CD80: variants seen among roughly 807,000 people sequenced by gnomAD.
CD80 encodes CD80 molecule.
A neutral mutation model predicts 27.1 loss-of-function variants in CD80; 13 were observed. That is an observed-to-expected ratio of 0.48 (90% CI 0.31 to 0.76). CD80 has a LOEUF of 0.76. Among genes scored for constraint, CD80 ranks in the 30% least tolerant of loss-of-function variants. The pLI, the probability that CD80 is intolerant of heterozygous loss-of-function variation, is 0.04. For missense variants in CD80, 277 were observed against 347.9 expected (o/e 0.80, Z 1.62); for synonymous variants, 125 against 125.5 (o/e 1.00, Z 0.03).
At chr3:119,553,906 C>T (rs1423888383) in intron 2 of CD80, among the ~76,000 whole-genome samples, 1 of 152,228 alleles carries the variant, frequency 6.6e-6, no homozygotes, top group Non-Finnish European at 1.5e-5. Flanking sequence ...GAGTGACCCC[C>T]CTCTAAATGT....
At position 119,527,740 on chromosome 3, in the gene CD80, T is replaced by A. The variant is rs1183890314; in HGVS notation, c.*31A>T. On this transcript the variant is annotated 3_prime_UTR_variant, in exon 6 of 7. Transcript: ENST00000264246. ...AGAGATGACGGAGGCTACCTTCAGA[T>A]CTTTTCAGCCCCTTGCTTCTGCGGA... 2 of 1,585,284 alleles carry A rather than the reference T, an allele frequency of 1.3e-6. No homozygotes were observed. Among genetic ancestry groups the A allele is most frequent in the African/African-American group, 2.7e-5 (2 of 74,336 alleles).
At chr3:119,558,263 T>A (rs1191953296) in intron 1 of CD80, among the ~76,000 whole-genome samples, 1 of 152,164 alleles carries the variant, frequency 6.6e-6, no homozygotes, top group Admixed American at 6.5e-5. Flanking sequence ...GAGCAGACAG[T>A]AAGGGTGTAT....
At chr3:119,557,051 C>A (rs2082268286) in intron 2 of CD80, among the ~76,000 whole-genome samples, 1 of 152,120 alleles carries the variant, frequency 6.6e-6, no homozygotes, top group Non-Finnish European at 1.5e-5. Context: ...TCTGATACCA[C>A]TTAAAGTCAG....
In CD80 at chr3:119,525,642, A is replaced by T. The variant is rs2107737979; in HGVS notation, c.*146T>A. ...TCCTCTAGACACTTCCTGCAAAGCA[A>T]CTGAAGTGAAGAAGCACCTAAGAGC... On this transcript the variant is annotated 3_prime_UTR_variant, in exon 7 of 7. Transcript: ENST00000264246. 1 of 152,646 alleles carries T rather than the reference A, an allele frequency of 6.6e-6. No homozygotes were observed. The highest frequency in any genetic ancestry group is 6.6e-5 in the Admixed American group (1 of 15,258). 9.5% of individuals were successfully genotyped at this position (152,646 alleles called of 1,614,324 possible). A position where few individuals can be genotyped will look rare whatever the true frequency, so the allele number is the denominator to read the frequency against.
chr3:119,529,750 A>T, intron 5 of CD80, 92 bp downstream of exon 5: 1 of 831,990 alleles, frequency 1.2e-6, no homozygotes, highest in Non-Finnish European at 2.0e-6. Flanking sequence ...ATGAGAAGCG[A>T]ATAGGCTAAA....
chr3:119,541,140 A>G (rs928442888), intron 3 of CD80, among the ~76,000 whole-genome samples: 7 of 152,102 alleles, frequency 4.6e-5, no homozygotes, highest in African/African-American at 1.5e-4. Flanking sequence ...GTTTAGGGTA[A>G]CTACTCCTGA....
intron 4 of CD80, among the ~76,000 whole-genome samples, chr3:119,533,189 CTAT>C (rs1293824772): frequency 1.3e-5 from 2 of 152,026 alleles, no homozygotes; most frequent in Admixed American, 1.3e-4. Flanking sequence ...CAAGCCAGGT[CTAT>C]TGTGACACCT....
At chr3:119,531,393 CGCCATGTTAAGCGTGCCAGCACCCTG>C (rs1164996752) in intron 4 of CD80, among the ~76,000 whole-genome samples, 1 of 152,260 alleles carries the variant, frequency 6.6e-6, no homozygotes, top group Non-Finnish European at 1.5e-5. Context: ...CCCAGCCTCT[CGCCATGTTAAGCGTGCCAGCACCCTG>C]GCCATAACCA....
intron 4 of CD80, among the ~76,000 whole-genome samples, chr3:119,536,817 T>C (rs974487509): frequency 6.6e-6 from 1 of 152,206 alleles, no homozygotes; most frequent in Non-Finnish European, 1.5e-5. Context: ...AAAATTATAA[T>C]ACCGTATTTT....
rs554246044 is a variant in CD80, at chr3:119,524,801, A to T, written c.*987T>A. ...GCTATGTCTTTCCAGTTCTCTGCTGATGTCAGAAAGACCCAGAAATACCAA... is the reference window on the plus strand; with the variant it reads ...GCTATGTCTTTCCAGTTCTCTGCTGTTGTCAGAAAGACCCAGAAATACCAA... On this transcript the variant is annotated 3_prime_UTR_variant, in exon 7 of 7. Coordinates refer to ENST00000264246, the MANE Select transcript of CD80 (RefSeq NM_005191.4). 5 of 152,328 alleles carry T rather than the reference A, an allele frequency of 3.3e-5. No individual in the cohort carries two copies. The South Asian group carries it at 1.0e-3, about 32-fold the overall frequency. 9.4% of individuals were successfully genotyped at this position (152,328 alleles called of 1,614,324 possible). A position where few individuals can be genotyped will look rare whatever the true frequency, so the allele number is the denominator to read the frequency against.
chr3:119,527,715 A>C lies in CD80; in HGVS notation c.*38+18T>G. The C allele has an allele frequency of 2.1e-6, 3 of 1,420,232 alleles. No homozygotes were observed. Among genetic ancestry groups the C allele is most frequent in the Non-Finnish European group, 3.0e-6 (3 of 1,003,714 alleles). 88.0% of individuals were successfully genotyped at this position (1,420,232 alleles called of 1,614,324 possible). ...ATCCCCACGATCCATGTATCCCAGA[A>C]GAGATGACGGAGGCTACCTTCAGAT... is the stretch of plus-strand genomic sequence containing the variant. On this transcript the variant is annotated intron_variant, in intron 6 of 6. Coordinates refer to ENST00000264246, the MANE Select transcript of CD80 (RefSeq NM_005191.4).
chr3:119,530,959 A>G (rs996694510), intron 4 of CD80, among the ~76,000 whole-genome samples: 5 of 152,254 alleles, frequency 3.3e-5, no homozygotes, highest in African/African-American at 4.8e-5. Flanking sequence ...AGGGTAATAT[A>G]CAGTACTCAA....
At chr3:119,541,167 G>A (rs751299715) in intron 3 of CD80, among the ~76,000 whole-genome samples, 4 of 152,144 alleles carry the variant, frequency 2.6e-5, no homozygotes, top group Non-Finnish European at 5.9e-5. Flanking sequence ...GTGAGATTGT[G>A]AACAATCAAA....
chr3:119,544,442 T>C (rs2082188648), intron 3 of CD80, 108 bp downstream of exon 3: 4 of 849,790 alleles, frequency 4.7e-6, no homozygotes, highest in Non-Finnish European at 7.5e-6. Flanking sequence ...AGAAATGAAG[T>C]GAGATACATC....
intron 4 of CD80, 89 bp from the exon 5 acceptor site, chr3:119,530,026 A>G: frequency 1.1e-6 from 1 of 923,402 alleles, no homozygotes. Flanking sequence ...GCAACTGTGG[A>G]GTATTCTTTG....
chr3:119,552,905 C>G (rs897471812), intron 2 of CD80, among the ~76,000 whole-genome samples: 20 of 151,992 alleles, frequency 1.3e-4, no homozygotes, highest in African/African-American at 4.8e-4. Flanking sequence ...CTAGAACAGG[C>G]AAATTCATAG....
intron 3 of CD80, among the ~76,000 whole-genome samples, chr3:119,537,666 G>A (rs2082146627): frequency 6.6e-6 from 1 of 152,084 alleles, no homozygotes; most frequent in Non-Finnish European, 1.5e-5. Context: ...ACCAGGCGTG[G>A]TGGCAGGCGC....
chr3:119,548,128 C>T (rs2107746226), intron 2 of CD80, among the ~76,000 whole-genome samples: 1 of 152,062 alleles, frequency 6.6e-6, no homozygotes. Flanking sequence ...TTACAGGCGC[C>T]CGCCATCATG....
chr3:119,536,503 G>C (rs986941555), intron 4 of CD80, among the ~76,000 whole-genome samples: 17 of 151,938 alleles, frequency 1.1e-4, no homozygotes, highest in African/African-American at 4.1e-4. Context: ...ACCAAGCCTG[G>C]CTAATTTTTT....
Sources: gnomAD v4.1 joint callset for allele counts (sites outside exome capture counted in the v4.1 genomes callset) on GRCh38, gnomAD v4.1.1 for gene constraint, MANE v1.5 for transcripts, NCBI Gene and HGNC (gene_info 2026-07-23, HGNC 2026-07-21) for gene names.